The following CA13 variants were observed in gnomAD, a reference collection of about 807,000 sequenced individuals.
CA13 encodes carbonic anhydrase 13.
A neutral mutation model predicts 31.5 loss-of-function variants in CA13; 21 were observed. The ratio of observed to expected loss-of-function variants is 0.67; its 90% CI spans 0.47 to 0.96. The LOEUF (loss-of-function observed/expected upper bound fraction) is 0.96. CA13 is among the 40% of genes least tolerant of loss of function. CA13 has a pLI of 0.00. For synonymous variants in CA13, 117 were observed against 111.4 expected (o/e 1.05, Z -0.32); for missense variants, 315 against 318.9 (o/e 0.99, Z 0.09).
chr8:85,250,581 A>G (rs2129946149), intron 1 of CA13, among the ~76,000 whole-genome samples, 159 bp from the exon 2 acceptor site: 1 of 151,646 alleles, frequency 6.6e-6, no homozygotes, highest in South Asian at 2.1e-4. Context: ...CTAATCTTGT[A>G]AAAAAAAACA....
At chr8:85,260,856 T>C (rs1175930952) in intron 3 of CA13, among the ~76,000 whole-genome samples, 1 of 152,232 alleles carries the variant, frequency 6.6e-6, no homozygotes, top group Non-Finnish European at 1.5e-5. Context: ...TTGCTTTGGA[T>C]CACTGGTCTC....
At chr8:85,281,087 T>G in intron 6 of CA13, 143 bp from the exon 7 acceptor site, 1 of 977,914 alleles carries the variant, frequency 1.0e-6, no homozygotes. Flanking sequence ...AAAGAGTTGC[T>G]TTATTATATA....
intron 6 of CA13, among the ~76,000 whole-genome samples, chr8:85,277,799 C>T (rs779742709): frequency 2.0e-4 from 30 of 152,134 alleles, no homozygotes; most frequent in Non-Finnish European, 4.0e-4. Flanking sequence ...GGAAGTGTCC[C>T]AGTCTGACGT....
chr8:85,258,062 T>C (rs1329208356), intron 2 of CA13, among the ~76,000 whole-genome samples: 4 of 150,584 alleles, frequency 2.7e-5, no homozygotes, highest in Admixed American at 2.0e-4. Context: ...GATGGGGCCT[T>C]GCTATGTTGC....
At position 85,250,729 on chromosome 8, in the gene CA13, A is replaced by AT. The variant is rs779366989; in HGVS notation, c.38-10dup. On this transcript the variant is annotated splice_polypyrimidine_tract_variant and intron_variant, in intron 1 of 6. Transcript: ENST00000321764. ...TATTTAATCCTTTTCTTTTGGTCCT[A>AT]TATATTTAAGGTCCTATTCACTGGA... The AT allele has an allele frequency of 6.4e-7, 1 of 1,560,796 alleles. No individual in the cohort carries two copies. Among genetic ancestry groups the AT allele is most frequent in the South Asian group, 1.1e-5 (1 of 89,612 alleles).
intron 6 of CA13, among the ~76,000 whole-genome samples, chr8:85,274,617 T>C (rs1223116592): frequency 1.3e-5 from 2 of 152,200 alleles, no homozygotes; most frequent in East Asian, 3.8e-4. Context: ...TAATAAGTAG[T>C]CTAGTGGTAG....
At chr8:85,252,351 T>C (rs1309919974) in intron 2 of CA13, among the ~76,000 whole-genome samples, 1 of 152,198 alleles carries the variant, frequency 6.6e-6, no homozygotes, top group African/African-American at 2.4e-5. Context: ...ACAATGGACA[T>C]TGAAGGGAGG....
At chr8:85,275,039 A>G (rs1270526388) in intron 6 of CA13, among the ~76,000 whole-genome samples, 4 of 152,214 alleles carry the variant, frequency 2.6e-5, no homozygotes, top group African/African-American at 7.2e-5. Context: ...AAAGGAATCC[A>G]TCAGGGGCAG....
In CA13 at chr8:85,280,146, G is replaced by A. The variant is rs146654406; in HGVS notation, c.670-1084G>A. ...AATACAAAAATTAGCTGGGTGCGGT[G>A]GCACGTGCCTGTAGTCCCAGCTACT... On this transcript the variant is annotated intron_variant, in intron 6 of 6. Transcript: ENST00000321764. Among the ~76,000 whole-genome samples, 179 of 152,238 alleles carry A rather than the reference G, an allele frequency of 1.2e-3. 1 individual carries two copies. The East Asian group carries it at 0.023, about 20-fold the overall frequency.
At position 85,279,425 on chromosome 8, in the gene CA13, A is replaced by G. The variant is rs186101759; in HGVS notation, c.670-1805A>G. Among the ~76,000 whole-genome samples the G allele has an allele frequency of 5.3e-3, 801 of 152,326 alleles. 10 individuals carry two copies. The highest frequency in any genetic ancestry group is 0.018 in the African/African-American group (762 of 41,572). On this transcript the variant is annotated intron_variant, in intron 6 of 6. Transcript: ENST00000321764. ...AATACAGGGTCGACCTAGCTGGGCC[A>G]AATGATTGTGAGACCCAGTTATAAG... is the stretch of plus-strand genomic sequence containing the variant.
intron 6 of CA13, among the ~76,000 whole-genome samples, chr8:85,276,773 A>C (rs554531894): frequency 6.6e-6 from 1 of 152,060 alleles, no homozygotes; most frequent in South Asian, 2.1e-4. Flanking sequence ...TGTTTAGCTC[A>C]GGGTTTGTGA....
intron 3 of CA13, among the ~76,000 whole-genome samples, chr8:85,265,135 T>C (rs555123350): frequency 6.6e-6 from 1 of 152,340 alleles, no homozygotes; most frequent in South Asian, 2.1e-4. Context: ...TCTGTAACAG[T>C]CAGCTAGAAA....
At chr8:85,270,842 G>A (rs920540264) in intron 6 of CA13, among the ~76,000 whole-genome samples, 6 of 152,166 alleles carry the variant, frequency 3.9e-5, no homozygotes, top group African/African-American at 1.4e-4. Context: ...CTACCTGCAA[G>A]TTTAGGAATT....
At position 85,283,693 on chromosome 8, in the gene CA13, G is replaced by A. The variant is rs1807740220; in HGVS notation, c.*2344G>A. The A allele has an allele frequency of 6.6e-6, 1 of 152,640 alleles. No individual in the cohort carries two copies. Among genetic ancestry groups the A allele is most frequent in the South Asian group, 2.1e-4 (1 of 4,830 alleles). 9.5% of individuals were successfully genotyped at this position (152,640 alleles called of 1,614,324 possible). A position where few individuals can be genotyped will look rare whatever the true frequency, so the allele number is the denominator to read the frequency against. The stretch of plus-strand genomic sequence containing the variant: ...GAAAGAACCTGTTTTCTGGAAGAAT[G>A]TAAGTTGCTATATGTGGAGGGGCAT... On this transcript the variant is annotated 3_prime_UTR_variant, in exon 7 of 7. Coordinates refer to ENST00000321764, the MANE Select transcript of CA13 (RefSeq NM_198584.3).
chr8:85,281,330 T>C lies in CA13; in HGVS notation c.770T>C (p.Val257Ala), dbSNP rs1180469067. ...CCACAGCCTCTAAAGGGCCGCAAAG[T>C]GAGAGCCTCTTTCCATTAAAAATTG... Reference protein sequence around the residue: ...RPPQPLKGRKVRASFH With the variant: ...RPPQPLKGRKARASFH The change falls in exon 7 of 7, where the codon GTG becomes GCG. Residue 257 changes from valine to alanine, a missense_variant. Val to Ala is a moderately conservative substitution (Grantham distance 64). Transcript: ENST00000321764. The C allele has an allele frequency of 1.2e-6, 2 of 1,613,918 alleles. No homozygotes were observed. The highest frequency in any genetic ancestry group is 4.5e-5 in the East Asian group (2 of 44,862).
In CA13 at chr8:85,281,405, A is replaced by C. The variant is rs1036813650; in HGVS notation, c.*56A>C. On this transcript the variant is annotated 3_prime_UTR_variant, in exon 7 of 7. Transcript: ENST00000321764. Reference sequence around the variant, plus strand: ...GGCTGTGGAGAGACAACAAAACAAAACAAAGCACAAAAGTCTCTGCCAACA... The same window carrying C: ...GGCTGTGGAGAGACAACAAAACAAACCAAAGCACAAAAGTCTCTGCCAACA... The C allele has an allele frequency of 1.8e-5, 28 of 1,580,768 alleles. No individual in the cohort carries two copies. In the African/African-American group the frequency reaches 3.6e-4, roughly 21 times the overall value.
chr8:85,277,051 A>T (rs1457130575), intron 6 of CA13, among the ~76,000 whole-genome samples: 1 of 152,138 alleles, frequency 6.6e-6, no homozygotes, highest in African/African-American at 2.4e-5. Flanking sequence ...GTCAAAATAG[A>T]CCACTCGGCT....
rs1807461103 is a variant in CA13, at chr8:85,266,620, C to T, written c.367C>T (p.His123Tyr). ...ATCTCCCTTTCAGCTCCATGTTGTT[C>T]ACTGGAATTCAGACAAATACCCCAG... ...VSYAAELHVV[H>Y]WNSDKYPSFV... is the part of the protein sequence containing the mutation. Residue 123 changes from histidine to tyrosine, a missense_variant, in exon 4 of 7, where the codon CAC becomes TAC. Transcript: ENST00000321764. The T allele has an allele frequency of 2.5e-6, 4 of 1,613,464 alleles. No individual in the cohort carries two copies. Among genetic ancestry groups the T allele is most frequent in the Non-Finnish European group, 3.4e-6 (4 of 1,179,490 alleles).
intron 4 of CA13, chr8:85,267,326 T>C: frequency 1.0e-6 from 1 of 985,496 alleles, no homozygotes. Flanking sequence ...TAGGGGTGGT[T>C]GCGGCAGGAT....
Sources: allele counts gnomAD v4.1 joint callset (sites outside exome capture counted in the v4.1 genomes callset), GRCh38; gene constraint gnomAD v4.1.1; transcripts MANE v1.5; gene names NCBI Gene and HGNC (gene_info 2026-07-23, HGNC 2026-07-21).